The following BBX variants were observed in gnomAD, a reference collection of about 807,000 sequenced individuals.
The protein encoded by BBX is BBX high mobility group box domain containing.
BBX carries 30 observed loss-of-function variants against 100.2 expected under a neutral mutation model. The observed-to-expected ratio is 0.30, with a 90% confidence interval of 0.22 to 0.41. The LOEUF (loss-of-function observed/expected upper bound fraction) is 0.41. Among genes scored for constraint, BBX ranks in the 10% least tolerant of loss-of-function variants. The pLI, the probability that BBX is intolerant of heterozygous loss-of-function variation, is 1.00. For synonymous variants in BBX, 376 were observed against 388.1 expected (o/e 0.97, Z 0.37); for missense variants, 1,023 against 1,129.8 (o/e 0.91, Z 1.35).
rs571179206 is a variant in BBX, at chr3:107,736,951, C to T, written c.669+3928C>T. Among the ~76,000 whole-genome samples, 36 of 152,174 alleles carry T rather than the reference C, an allele frequency of 2.4e-4. No individual in the cohort carries two copies. The South Asian group carries it at 7.5e-3, about 32-fold the overall frequency. ...GTATGACTGTTGGAAGCTAAACTTTCAAATATATGGGAAGTACCTTAGACT... is the reference window on the plus strand; with the variant it reads ...GTATGACTGTTGGAAGCTAAACTTTTAAATATATGGGAAGTACCTTAGACT... On this transcript the variant is annotated intron_variant, in intron 7 of 17. Transcript: ENST00000325805.
intron 3 of BBX, among the ~76,000 whole-genome samples, chr3:107,658,650 C>A (rs1181049572): frequency 6.6e-6 from 1 of 152,028 alleles, no homozygotes; most frequent in East Asian, 1.9e-4. Context: ...AAGACTTGCC[C>A]TAGGTAGTAA....
chr3:107,631,260 T>C (rs1028117762), intron 2 of BBX, among the ~76,000 whole-genome samples: 8 of 152,200 alleles, frequency 5.3e-5, no homozygotes, highest in Admixed American at 2.0e-4. Flanking sequence ...TAGGCACATC[T>C]GACTATAGCC....
intron 13 of BBX, among the ~76,000 whole-genome samples, chr3:107,781,321 AG>A (rs2067866032): frequency 6.6e-6 from 1 of 151,996 alleles, no homozygotes; most frequent in African/African-American, 2.4e-5. Flanking sequence ...GACAATGAAA[AG>A]GGATGAAAAT....
intron 3 of BBX, among the ~76,000 whole-genome samples, chr3:107,708,266 C>T (rs1287091454): frequency 6.6e-6 from 1 of 152,192 alleles, no homozygotes; most frequent in Non-Finnish European, 1.5e-5. Flanking sequence ...ATTGAGTCAG[C>T]CACACAAGTC....
intron 2 of BBX, among the ~76,000 whole-genome samples, chr3:107,609,959 T>C (rs1167526010): frequency 1.3e-5 from 2 of 152,100 alleles, no homozygotes; most frequent in African/African-American, 2.4e-5. Context: ...CATCAACATA[T>C]AGTTTATTTG....
chr3:107,653,790 G>A (rs1232771113), intron 3 of BBX, among the ~76,000 whole-genome samples: 2 of 152,174 alleles, frequency 1.3e-5, no homozygotes, highest in Non-Finnish European at 2.9e-5. Context: ...CCAGCCAGAT[G>A]TGGAGGAACT....
At chr3:107,572,537 C>T (rs961402255) in intron 2 of BBX, among the ~76,000 whole-genome samples, 2 of 152,024 alleles carry the variant, frequency 1.3e-5, no homozygotes, top group Non-Finnish European at 2.9e-5. Context: ...TTCCTTTCTT[C>T]GTAACATTCT....
intron 3 of BBX, chr3:107,661,937 CCACTGTAGTAAGT>C (rs2058467041): frequency 1.0e-6 from 1 of 974,690 alleles, no homozygotes; most frequent in African/African-American, 1.8e-5. Flanking sequence ...GCGAATTGTT[CCACTGTAGTAAGT>C]CATTCAGCAT....
At chr3:107,576,919 G>A (rs1172833438) in intron 2 of BBX, among the ~76,000 whole-genome samples, 2 of 151,944 alleles carry the variant, frequency 1.3e-5, no homozygotes, top group Non-Finnish European at 2.9e-5. Flanking sequence ...GTAGTGCATT[G>A]GGGCGATCTT....
At chr3:107,655,709 T>A (rs10451886) in intron 3 of BBX, among the ~76,000 whole-genome samples, 46,712 of 150,294 alleles carry the variant, frequency 0.31, 9,123 homozygotes, top group African/African-American at 0.55. Flanking sequence ...ATTTTATTTT[T>A]TTTTTTTTTG....
rs778544450 is a variant in BBX, at chr3:107,728,997, A to T, written c.601+37A>T. 5 of 1,582,268 alleles carry T rather than the reference A, an allele frequency of 3.2e-6. No individual in the cohort carries two copies. The South Asian group carries it at 5.8e-5, about 18-fold the overall frequency. On this transcript the variant is annotated intron_variant, in intron 6 of 17. Coordinates refer to ENST00000325805, the MANE Select transcript of BBX (RefSeq NM_001142568.3). ...CACTATTTCCACCTATTCTTTAAGGACAGGGCAATACATTTCGGCAGCATT... is the reference window on the plus strand; with the variant it reads ...CACTATTTCCACCTATTCTTTAAGGTCAGGGCAATACATTTCGGCAGCATT...
intron 2 of BBX, among the ~76,000 whole-genome samples, chr3:107,645,280 T>C (rs1183099777): frequency 6.6e-6 from 1 of 152,202 alleles, no homozygotes; most frequent in Non-Finnish European, 1.5e-5. Flanking sequence ...TATAATTACT[T>C]CATCCTTTAT....
chr3:107,694,809 T>C (rs1471449090), intron 3 of BBX, among the ~76,000 whole-genome samples: 2 of 151,862 alleles, frequency 1.3e-5, no homozygotes, highest in African/African-American at 4.9e-5. Flanking sequence ...AATTCAGCTG[T>C]GAATCCATCT....
chr3:107,739,057 G>C (rs2063871593), intron 7 of BBX, among the ~76,000 whole-genome samples: 1 of 152,134 alleles, frequency 6.6e-6, no homozygotes, highest in Admixed American at 6.5e-5. Context: ...GAATGATTAT[G>C]TCCACATCTT....
intron 5 of BBX, among the ~76,000 whole-genome samples, chr3:107,726,169 C>T (rs1485509605): frequency 6.6e-6 from 1 of 152,006 alleles, no homozygotes; most frequent in African/African-American, 2.4e-5. Flanking sequence ...CTTACCCAGC[C>T]TTCTCCTAAT....
chr3:107,743,557 A>C (rs1298097217), intron 7 of BBX, among the ~76,000 whole-genome samples: 1 of 152,224 alleles, frequency 6.6e-6, no homozygotes, highest in African/African-American at 2.4e-5. Flanking sequence ...GACAATTAAA[A>C]TTTCAAATGT....
At chr3:107,606,437 G>C (rs565731845) in intron 2 of BBX, among the ~76,000 whole-genome samples, 5 of 152,190 alleles carry the variant, frequency 3.3e-5, no homozygotes, top group Non-Finnish European at 7.3e-5. Context: ...GGTTGATTGT[G>C]TTCCTTCATA....
chr3:107,548,309 A>G (rs537091402), intron 2 of BBX, among the ~76,000 whole-genome samples: 1 of 152,194 alleles, frequency 6.6e-6, no homozygotes, highest in Non-Finnish European at 1.5e-5. Flanking sequence ...TACTCTTGCT[A>G]AAAACACTTT....
At chr3:107,681,250 G>A (rs1469753371) in intron 3 of BBX, among the ~76,000 whole-genome samples, 2 of 152,194 alleles carry the variant, frequency 1.3e-5, no homozygotes, top group African/African-American at 4.8e-5. Context: ...GATGCCTTAA[G>A]CATATAGTAG....
Sources: allele counts gnomAD v4.1 joint callset (sites outside exome capture counted in the v4.1 genomes callset), GRCh38; gene constraint gnomAD v4.1.1; transcripts MANE v1.5; gene names NCBI Gene and HGNC (gene_info 2026-07-23, HGNC 2026-07-21).